COG4: variants seen among roughly 807,000 people sequenced by gnomAD.
The protein encoded by COG4 is component of oligomeric golgi complex 4.
A neutral mutation model predicts 95.1 loss-of-function variants in COG4; 65 were observed. The ratio of observed to expected loss-of-function variants is 0.68; its 90% CI spans 0.56 to 0.84. The LOEUF is 0.84. Ranked by LOEUF, COG4 falls within the 40% of genes least tolerant of loss-of-function variation. The probability of loss-of-function intolerance (pLI) is 0.00; values close to 1 mark genes in which losing one functional copy is unlikely to be tolerated. For missense variants in COG4, 1,045 were observed against 989.1 expected (o/e 1.06, Z -0.76); for synonymous variants, 421 against 374.8 (o/e 1.12, Z -1.42).
rs2049450090 is a variant in COG4 at position 70,501,521 on chromosome 16, AT to A, written c.1062-431del. On this transcript the variant is annotated intron_variant, in intron 8 of 18. Coordinates refer to ENST00000323786, the MANE Select transcript of COG4 (RefSeq NM_015386.3). Reference sequence around the variant, plus strand: ...AGGTGCCCACCACCATGCCCGGCTAATTTTTTGTATTTTTAGTAGAGACGGG... The same window carrying A: ...AGGTGCCCACCACCATGCCCGGCTAATTTTTGTATTTTTAGTAGAGACGGG... The A allele has an allele frequency of 2.0e-5, 4 of 204,974 alleles. No individual in the cohort carries two copies. In the South Asian group the frequency reaches 2.4e-4, roughly 13 times the overall value. 12.7% of individuals were successfully genotyped at this position (204,974 alleles called of 1,614,324 possible). A position where few individuals can be genotyped will look rare whatever the true frequency, so the allele number is the denominator to read the frequency against.
Position 70,514,349 on chromosome 16 carries a change from C to T in COG4, c.530G>A (p.Arg177Gln), listed in dbSNP as rs780069736. ...CLDKSVIELS[R>Q]QGKEGSMIDA... is the part of the protein sequence containing the mutation. The stretch of plus-strand genomic sequence containing the variant: ...CGGATGCTGACCCTCTTTGCCCTGT[C>T]GGCTGAGCTCAATGACCGACTTGTC... The change falls in exon 4 of 19, where the codon CGA becomes CAA. Residue 177 changes from arginine to glutamine, a missense_variant. By Grantham distance (43) the Arg-to-Gln change is conservative. Transcript: ENST00000323786. The T allele has an allele frequency of 8.1e-6, 13 of 1,614,062 alleles. No homozygotes were observed. Among genetic ancestry groups the T allele is most frequent in the African/African-American group, 2.7e-5 (2 of 74,936 alleles).
intron 14 of COG4, among the ~76,000 whole-genome samples, chr16:70,483,096 A>C (rs1033913867): frequency 7.9e-4 from 16 of 20,166 alleles, no homozygotes; most frequent in Admixed American, 1.5e-3. Context: ...TTTTCTCCCT[A>C]CCCCATCCCT....
chr16:70,494,913 C>T (rs2049308770), intron 12 of COG4, among the ~76,000 whole-genome samples: 1 of 152,088 alleles, frequency 6.6e-6, no homozygotes, highest in Non-Finnish European at 1.5e-5. Flanking sequence ...AGAAACCATA[C>T]ACAGGGCAAA....
chr16:70,506,593 CAA>C (rs1237710539), intron 8 of COG4, among the ~76,000 whole-genome samples: 1 of 14,688 alleles, frequency 6.8e-5, no homozygotes, highest in African/African-American at 2.4e-4. Flanking sequence ...GAGACTGCCT[CAA>C]AAAAAAAAAA....
chr16:70,480,892 G>A lies in COG4; in HGVS notation c.*118C>T. 1 of 1,223,250 alleles carries A rather than the reference G, an allele frequency of 8.2e-7. No homozygotes were observed. The highest frequency in any genetic ancestry group is 1.2e-6 in the Non-Finnish European group (1 of 844,534). The allele number at this position is 1,223,250 out of a possible 1,614,324, so 75.8% of individuals were successfully genotyped here. A position where few individuals can be genotyped will look rare whatever the true frequency, so the allele number is the denominator to read the frequency against. Reference sequence around the variant, plus strand: ...CTTTGTTTCTCTGCTGCCAGCCGTAGAAAGGTCTGGGCTGTCAGATCTCCC... The same window carrying A: ...CTTTGTTTCTCTGCTGCCAGCCGTAAAAAGGTCTGGGCTGTCAGATCTCCC... On this transcript the variant is annotated 3_prime_UTR_variant, in exon 19 of 19. Transcript: ENST00000323786.
In COG4 at chr16:70,509,290, C is replaced by T. The variant is rs2049648096; in HGVS notation, c.943G>A (p.Asp315Asn). The T allele has an allele frequency of 5.0e-6, 8 of 1,614,092 alleles. 1 individual carries two copies. The Admixed American group carries it at 1.3e-4, about 27-fold the overall frequency. ...TLIKYLQVEC[D>N]RQVEKVVDKF... ...TCTACCACCTTCTCCACCTGTCTGT[C>T]ACATTCCACCTGCAGATATTTGATC... The change falls in exon 7 of 19, where the codon GAC (aspartate) becomes AAC (asparagine). Residue 315 changes from aspartate to asparagine, a missense_variant. Asp to Asn is a conservative substitution (Grantham distance 23). Transcript: ENST00000323786.
rs746781437 is a variant in COG4 at position 70,517,587 on chromosome 16, CAAA to C, written c.369+36_369+38del. On this transcript the variant is annotated intron_variant, in intron 3 of 18. Transcript: ENST00000323786. ...TAGGTGACAGAGCAAGACCCTGTCT[CAAA>C]AAAAAAAAAAAAAAAAAAAAAGCTT... 0.024 allele frequency: 11,379 copies of C among 466,078 alleles called. No individual in the cohort carries two copies. Among genetic ancestry groups the C allele is most frequent in the East Asian group, 0.033 (705 of 21,108 alleles). 28.9% of individuals were successfully genotyped at this position (466,078 alleles called of 1,614,324 possible).
At chr16:70,490,230 G>A in intron 13 of COG4, 100 bp downstream of exon 13, 2 of 999,496 alleles carry the variant, frequency 2.0e-6, no homozygotes, top group Non-Finnish European at 3.2e-6. Context: ...GTGGCTCAAT[G>A]TCACCAAGAT....
In COG4 at chr16:70,482,172, C is replaced by A; in HGVS notation, c.1924G>T (p.Glu642Ter). 6.2e-7 allele frequency: 1 copy of A among 1,610,812 alleles called. No homozygotes were observed. ...TCGTTGGCCTCATAGTCATTGAATT[C>A]TTCCTGTTGTCAGGAAGCAGGGCTG... ...FSVSHNIEEE[E>*]FNDYEANDPW... Residue 642 changes from glutamate (E) to a stop codon, truncating the protein, a stop_gained, in exon 16 of 19, where the codon GAA becomes TAA. Coordinates refer to ENST00000323786, the MANE Select transcript of COG4 (RefSeq NM_015386.3). LOFTEE classifies it high-confidence loss of function.
chr16:70,513,950 G>C (rs1467144355), intron 4 of COG4, among the ~76,000 whole-genome samples: 2 of 152,170 alleles, frequency 1.3e-5, no homozygotes, highest in African/African-American at 2.4e-5. Context: ...GCTTACACCT[G>C]TAATCCCAGC....
chr16:70,487,174 C>T (rs751985119), intron 13 of COG4, among the ~76,000 whole-genome samples: 3 of 151,386 alleles, frequency 2.0e-5, no homozygotes, highest in Non-Finnish European at 4.4e-5. Flanking sequence ...GCCTGTAATC[C>T]CAGCAACTTA....
chr16:70,499,175 ATTTT>A (rs563645212), intron 9 of COG4, among the ~76,000 whole-genome samples: 1 of 149,064 alleles, frequency 6.7e-6, no homozygotes, highest in Non-Finnish European at 1.5e-5. Flanking sequence ...GGAACTGAAT[ATTTT>A]TTTTTTTATT....
At chr16:70,506,034 A>G (rs2049558858) in intron 8 of COG4, among the ~76,000 whole-genome samples, 1 of 151,782 alleles carries the variant, frequency 6.6e-6, no homozygotes, top group African/African-American at 2.4e-5. Flanking sequence ...TAATTCCAGC[A>G]CTTTGGGAGG....
chr16:70,510,132 C>T, intron 5 of COG4, 111 bp from the exon 6 acceptor site: 1 of 863,480 alleles, frequency 1.2e-6, no homozygotes, highest in South Asian at 1.4e-5. Context: ...TCACATTTCC[C>T]TTGATGTCTG....
At chr16:70,484,744 A>G (rs548937256) in intron 13 of COG4, among the ~76,000 whole-genome samples, 2 of 152,258 alleles carry the variant, frequency 1.3e-5, no homozygotes, top group South Asian at 4.1e-4. Context: ...ACAGAAAATT[A>G]AAGAATTAGC....
chr16:70,497,488 C>A, intron 10 of COG4, 101 bp from the exon 11 acceptor site: 2 of 1,145,824 alleles, frequency 1.7e-6, no homozygotes, highest in Non-Finnish European at 2.6e-6. Flanking sequence ...CTTTTCTGTA[C>A]CTTGTCCATG....
At chr16:70,496,549 C>A in intron 11 of COG4, 118 bp from the exon 12 acceptor site, 1 of 1,023,164 alleles carries the variant, frequency 9.8e-7, no homozygotes, top group South Asian at 1.4e-5. Context: ...GGGGAATAAC[C>A]AGTCCTTAAG....
At chr16:70,502,574 C>A (rs1365739847) in intron 8 of COG4, among the ~76,000 whole-genome samples, 1 of 150,934 alleles carries the variant, frequency 6.6e-6, no homozygotes, top group East Asian at 1.9e-4. Context: ...GCACTCCAGC[C>A]TGGGCAACAA....
intron 11 of COG4, among the ~76,000 whole-genome samples, chr16:70,496,809 C>T (rs1257766999): frequency 1.3e-5 from 2 of 152,140 alleles, no homozygotes; most frequent in Middle Eastern, 3.2e-3. Context: ...GGATCTTTGA[C>T]GAGGACGGAA....
Sources: allele counts gnomAD v4.1 joint callset (sites outside exome capture counted in the v4.1 genomes callset), GRCh38; gene constraint gnomAD v4.1.1; transcripts MANE v1.5; gene names NCBI Gene and HGNC (gene_info 2026-07-23, HGNC 2026-07-21).